The following NOMO2 variants were observed in gnomAD, a reference collection of about 807,000 sequenced individuals.
NOMO2 encodes the protein BOS complex subunit NOMO2.
NOMO2 carries 14 observed loss-of-function variants against 67.1 expected under a neutral mutation model. The observed-to-expected ratio is 0.21, with a 90% CI of 0.14 to 0.33. The LOEUF (loss-of-function observed/expected upper bound fraction) is 0.33, where lower values mean the gene tolerates loss of function less well. NOMO2 is among the 10% of genes least tolerant of loss of function. NOMO2 has a pLI of 1.00. For synonymous variants in NOMO2, 80 were observed against 305.9 expected, an observed-to-expected ratio of 0.26 and a Z score of 7.71; for missense variants, 178 against 761.0, an observed-to-expected ratio of 0.23 and a Z score of 9.01.
intron 11 of NOMO2, among the ~76,000 whole-genome samples, chr16:18,535,542 C>G (rs1901399129): frequency 6.6e-6 from 1 of 151,934 alleles, no homozygotes; most frequent in African/African-American, 2.4e-5. Flanking sequence ...AATAAGAAAC[C>G]TGTAACCTCA....
intron 11 of NOMO2, 70 bp downstream of exon 11, chr16:18,538,456 C>G: frequency 6.3e-7 from 1 of 1,579,244 alleles, no homozygotes; most frequent in East Asian, 2.2e-5. Context: ...ACACAGATCA[C>G]AGGTCATTTG....
intron 1 of NOMO2, among the ~76,000 whole-genome samples, chr16:18,561,328 T>G (rs1387152649): frequency 4.0e-5 from 6 of 151,338 alleles, no homozygotes; most frequent in Admixed American, 2.0e-4. Context: ...TTTCCGGCCC[T>G]AGGGTTGCCA....
At chr16:18,536,661 G>C (rs1464859294) in intron 11 of NOMO2, among the ~76,000 whole-genome samples, 3 of 152,042 alleles carry the variant, frequency 2.0e-5, no homozygotes, top group African/African-American at 7.2e-5. Flanking sequence ...GGCCACAGAT[G>C]TATTTGTCTT....
intron 1 of NOMO2, among the ~76,000 whole-genome samples, chr16:18,560,028 A>T (rs929344042): frequency 1.3e-5 from 2 of 151,810 alleles, no homozygotes; most frequent in Non-Finnish European, 2.9e-5. Flanking sequence ...CTCAATGAAC[A>T]CGATGTAAAA....
intron 6 of NOMO2, among the ~76,000 whole-genome samples, chr16:18,544,805 A>G (rs1901628469): frequency 6.6e-6 from 1 of 151,668 alleles, no homozygotes; most frequent in Non-Finnish European, 1.5e-5. Flanking sequence ...GGTACAATAA[A>G]CACAGAGAAA....
At chr16:18,551,173 CAAAATAA>C (rs1901778752) in intron 4 of NOMO2, among the ~76,000 whole-genome samples, 1 of 151,926 alleles carries the variant, frequency 6.6e-6, no homozygotes, top group Non-Finnish European at 1.5e-5. Flanking sequence ...GACCCTGTCT[CAAAATAA>C]AAAATAAAAA....
intron 3 of NOMO2, among the ~76,000 whole-genome samples, chr16:18,554,365 GTCTTC>G (rs1901857620): frequency 1.3e-5 from 2 of 151,818 alleles, no homozygotes; most frequent in South Asian, 2.1e-4. Flanking sequence ...AAGGCTGACA[GTCTTC>G]TCATCTCATG....
intron 11 of NOMO2, among the ~76,000 whole-genome samples, chr16:18,535,862 T>A (rs1901409025): frequency 6.6e-6 from 1 of 151,828 alleles, no homozygotes. Context: ...AATGGTGCAA[T>A]CTCAGCTCAC....
chr16:18,536,947 G>A (rs1421578268), intron 11 of NOMO2, among the ~76,000 whole-genome samples: 1 of 151,972 alleles, frequency 6.6e-6, no homozygotes, highest in South Asian at 2.1e-4. Context: ...TGTTCACCAG[G>A]GCCCAGCTCC....
rs372163258 is a variant in NOMO2, at chr16:18,545,924, G to A, written c.582+1304C>T. ...ATGTCTTTATAATTTTTCTACATAAGACTGTATCCTCCCTGTCCCTACTAA... is the reference window on the plus strand; with the variant it reads ...ATGTCTTTATAATTTTTCTACATAAAACTGTATCCTCCCTGTCCCTACTAA... On this transcript the variant is annotated intron_variant, in intron 6 of 30. Coordinates refer to ENST00000622306, the MANE Select transcript of NOMO2 (RefSeq NM_173614.4). 7.9e-4 allele frequency among the ~76,000 whole-genome samples: 32 copies of A among 40,684 alleles called. No homozygotes were observed. The East Asian group carries it at 0.014, about 18-fold the overall frequency. The allele number at this position is 40,684 out of a possible 152,430, so 26.7% of individuals were successfully genotyped here.
At chr16:18,533,228 G>A in intron 11 of NOMO2, 49 bp from the exon 12 acceptor site, 1 of 1,584,748 alleles carries the variant, frequency 6.3e-7, no homozygotes, top group Non-Finnish European at 8.6e-7. Flanking sequence ...AATTATAACA[G>A]GAAAGGCTCT....
chr16:18,560,983 T>C (rs1302129237), intron 1 of NOMO2, among the ~76,000 whole-genome samples: 2 of 150,868 alleles, frequency 1.3e-5, no homozygotes, highest in Non-Finnish European at 2.9e-5. Context: ...CTTTTCCTCT[T>C]CCTTGTCCTA....
At chr16:18,524,003 CT>C (rs1901090220) in intron 17 of NOMO2, 64 bp from the exon 18 acceptor site, 3 of 252,154 alleles carry the variant, frequency 1.2e-5, no homozygotes, top group Non-Finnish European at 1.3e-5. Flanking sequence ...CAGCAATACC[CT>C]TTTTGGGCAT....
At chr16:18,559,727 T>G (rs561948261) in intron 1 of NOMO2, among the ~76,000 whole-genome samples, 1 of 152,046 alleles carries the variant, frequency 6.6e-6, no homozygotes, top group South Asian at 2.1e-4. Context: ...TCAAGGGACA[T>G]TCATCCAAAA....
chr16:18,560,092 C>CA (rs1266521218), intron 1 of NOMO2, among the ~76,000 whole-genome samples: 1 of 151,354 alleles, frequency 6.6e-6, no homozygotes, highest in East Asian at 2.0e-4. Flanking sequence ...CATAGGAACA[C>CA]AAAAAACACA....
intron 9 of NOMO2, among the ~76,000 whole-genome samples, chr16:18,540,420 C>G (rs1901524229): frequency 6.6e-6 from 1 of 151,814 alleles, no homozygotes; most frequent in South Asian, 2.1e-4. Context: ...TACCTGACCT[C>G]AGGGAACTTA....
At chr16:18,552,580 AC>A (rs1567246105) in intron 3 of NOMO2, among the ~76,000 whole-genome samples, 1 of 148,366 alleles carries the variant, frequency 6.7e-6, no homozygotes, top group Non-Finnish European at 1.5e-5. Flanking sequence ...ACATAAACAT[AC>A]GAAAAAGTGT....
chr16:18,536,106 C>T (rs2141728185), intron 11 of NOMO2, among the ~76,000 whole-genome samples: 1 of 152,210 alleles, frequency 6.6e-6, no homozygotes, highest in East Asian at 1.9e-4. Context: ...AACCAACAGA[C>T]AACTCCTAAC....
At chr16:18,557,856 C>T (rs1901945879) in intron 1 of NOMO2, 65 bp from the exon 2 acceptor site, 3 of 1,583,132 alleles carry the variant, frequency 1.9e-6, no homozygotes, top group African/African-American at 1.3e-5. Flanking sequence ...ACACATGTTA[C>T]ACCTGAATGC....
Sources: gnomAD v4.1 joint callset for allele counts (sites outside exome capture counted in the v4.1 genomes callset) on GRCh38, gnomAD v4.1.1 for gene constraint, MANE v1.5 for transcripts, NCBI Gene and HGNC (gene_info 2026-07-23, HGNC 2026-07-21) for gene names.